The following TTC17 variants were observed in gnomAD, a reference collection of about 807,000 sequenced individuals.
TTC17 encodes the protein tetratricopeptide repeat protein 17.
A neutral mutation model predicts 143.8 loss-of-function variants in TTC17; 58 were observed. The observed-to-expected ratio is 0.40, with a 90% CI of 0.33 to 0.50. The LOEUF (loss-of-function observed/expected upper bound fraction) is 0.50, where lower values mean the gene tolerates loss of function less well. TTC17 is among the 20% of genes least tolerant of loss of function. The pLI is 0.49. For missense variants in TTC17, 1,273 were observed against 1,392.5 expected (o/e 0.91, Z 1.37); for synonymous variants, 501 against 497.8 (o/e 1.01, Z -0.09).
At chr11:43,402,986 A>G (rs1232081229) in intron 10 of TTC17, among the ~76,000 whole-genome samples, 1 of 152,170 alleles carries the variant, frequency 6.6e-6, no homozygotes, top group Non-Finnish European at 1.5e-5. Flanking sequence ...AAGCCATTTT[A>G]AAGGGGAAAT....
At chr11:43,490,122 C>A in intron 21 of TTC17, 117 bp from the exon 22 acceptor site, 1 of 1,390,284 alleles carries the variant, frequency 7.2e-7, no homozygotes, top group Non-Finnish European at 9.7e-7. Flanking sequence ...GAGCAGAGTG[C>A]CAGCACTTAG....
At chr11:43,366,066 C>T (rs1856328311) in intron 1 of TTC17, among the ~76,000 whole-genome samples, 2 of 151,658 alleles carry the variant, frequency 1.3e-5, no homozygotes, top group Admixed American at 1.3e-4. Flanking sequence ...CTACAACCTC[C>T]GCCTCCCAGG....
chr11:43,487,859 A>G (rs1018923713), intron 21 of TTC17, among the ~76,000 whole-genome samples: 2 of 152,096 alleles, frequency 1.3e-5, no homozygotes, highest in African/African-American at 2.4e-5. Flanking sequence ...GCCTCTTCAC[A>G]TGGTTGTCCC....
chr11:43,372,311 T>G (rs974813250), intron 1 of TTC17, among the ~76,000 whole-genome samples: 2 of 145,420 alleles, frequency 1.4e-5, no homozygotes, highest in Non-Finnish European at 3.0e-5. Flanking sequence ...GGTTCATGGG[T>G]TTTTTTTTTT....
At chr11:43,449,061 C>T (rs752546233) in intron 19 of TTC17, 1 of 152,488 alleles carries the variant, frequency 6.6e-6, no homozygotes, top group Non-Finnish European at 1.5e-5. Context: ...ATCCCTACGT[C>T]GGTTCATCCA....
chr11:43,451,753 G>A (rs1379853363), intron 21 of TTC17, among the ~76,000 whole-genome samples: 1 of 152,132 alleles, frequency 6.6e-6, no homozygotes. Flanking sequence ...TCCTCTGTGT[G>A]ATATTTGTGT....
At chr11:43,402,658 A>G (rs1480178364) in intron 10 of TTC17, among the ~76,000 whole-genome samples, 1 of 152,210 alleles carries the variant, frequency 6.6e-6, no homozygotes, top group Non-Finnish European at 1.5e-5. Flanking sequence ...TTTGGATTTC[A>G]CATTTTTTGA....
chr11:43,361,104 A>G (rs1856085774), intron 1 of TTC17, among the ~76,000 whole-genome samples: 1 of 152,208 alleles, frequency 6.6e-6, no homozygotes, highest in African/African-American at 2.4e-5. Flanking sequence ...AAGTAAAAGA[A>G]TTGGGTGCTG....
chr11:43,397,525 A>G (rs555976935), intron 7 of TTC17, 34 bp downstream of exon 7: 2 of 1,472,194 alleles, frequency 1.4e-6, no homozygotes. Context: ...GAGTCATGCT[A>G]GTTGCCACTT....
intron 15 of TTC17, among the ~76,000 whole-genome samples, chr11:43,413,191 C>T (rs1264016852): frequency 6.6e-6 from 1 of 152,128 alleles, no homozygotes; most frequent in Non-Finnish European, 1.5e-5. Context: ...AATATGGCCA[C>T]TGGTTTATGA....
intron 1 of TTC17, among the ~76,000 whole-genome samples, chr11:43,371,901 C>A (rs1856581605): frequency 6.6e-6 from 1 of 152,016 alleles, no homozygotes; most frequent in Non-Finnish European, 1.5e-5. Context: ...TACATATGGC[C>A]AAGGAAGAGA....
At chr11:43,430,709 G>GCACA (rs10658685) in intron 16 of TTC17, among the ~76,000 whole-genome samples, 22,532 of 138,266 alleles carry the variant, frequency 0.16, 2,276 homozygotes, top group African/African-American at 0.27. Flanking sequence ...CTACATACAC[G>GCACA]CACACACACA....
intron 21 of TTC17, among the ~76,000 whole-genome samples, chr11:43,457,844 A>T (rs191170343): frequency 6.6e-6 from 1 of 152,234 alleles, no homozygotes; most frequent in Admixed American, 6.5e-5. Flanking sequence ...TAACATACAT[A>T]TAATTAGGGT....
chr11:43,482,076 C>CT (rs1461212095), intron 21 of TTC17, among the ~76,000 whole-genome samples: 1 of 152,066 alleles, frequency 6.6e-6, no homozygotes, highest in African/African-American at 2.4e-5. Flanking sequence ...TCCCAAAGTG[C>CT]TGGGATTACA....
In TTC17 at chr11:43,392,036, CCTGA is replaced by C. The variant is rs899674733; in HGVS notation, c.663+87_663+90del. On this transcript the variant is annotated intron_variant, in intron 5 of 23. Transcript: ENST00000039989. ...GAAGATATTTTTATCTTGGAAAATA[CCTGA>C]CTAATTTGTTTTTATCTAGAAGACG... 9 of 1,455,892 alleles carry C rather than the reference CCTGA, an allele frequency of 6.2e-6. No homozygotes were observed. In the African/African-American group the frequency reaches 1.0e-4, roughly 16 times the overall value. 90.2% of individuals were successfully genotyped at this position (1,455,892 alleles called of 1,614,324 possible).
At chr11:43,422,228 A>G (rs191408387) in intron 16 of TTC17, among the ~76,000 whole-genome samples, 2 of 152,342 alleles carry the variant, frequency 1.3e-5, no homozygotes, top group African/African-American at 2.4e-5. Flanking sequence ...AACCTGAGCA[A>G]TCAGGTAAAT....
At chr11:43,419,862 C>A (rs1946860558) in intron 16 of TTC17, among the ~76,000 whole-genome samples, 1 of 152,134 alleles carries the variant, frequency 6.6e-6, no homozygotes, top group Non-Finnish European at 1.5e-5. Context: ...GACTCTTAAA[C>A]AGCATTTTAA....
At chr11:43,416,041 A>G (rs981120199) in intron 16 of TTC17, among the ~76,000 whole-genome samples, 2 of 152,124 alleles carry the variant, frequency 1.3e-5, no homozygotes, top group Non-Finnish European at 2.9e-5. Context: ...TGTTCTTACC[A>G]TATAGTAGAT....
intron 1 of TTC17, among the ~76,000 whole-genome samples, chr11:43,362,892 A>T (rs185852433): frequency 2.6e-5 from 4 of 152,324 alleles, no homozygotes; most frequent in African/African-American, 9.6e-5. Flanking sequence ...TGGAGAGAAC[A>T]TTCCAATCAC....
Sources: allele counts gnomAD v4.1 joint callset (sites outside exome capture counted in the v4.1 genomes callset), GRCh38; gene constraint gnomAD v4.1.1; transcripts MANE v1.5; gene names NCBI Gene and HGNC (gene_info 2026-07-23, HGNC 2026-07-21).